Variants in ARHGAP12 observed in about 807,000 individuals in gnomAD.
ARHGAP12 encodes rho GTPase-activating protein 12.
In ARHGAP12, 64 loss-of-function variants were observed where a neutral mutation model predicts 108.6. That is an observed-to-expected ratio of 0.59 (90% CI 0.48 to 0.73). The LOEUF is 0.73. ARHGAP12 is among the 30% of genes least tolerant of loss of function. The pLI is 0.00. For missense variants in ARHGAP12, 940 were observed against 1,005.9 expected, an observed-to-expected ratio of 0.93 and a Z score of 0.89; for synonymous variants, 312 against 337.2, an observed-to-expected ratio of 0.93 and a Z score of 0.82.
chr10:31,846,641 AG>A (rs370919950), intron 6 of ARHGAP12, among the ~76,000 whole-genome samples: 39 of 152,278 alleles, frequency 2.6e-4, no homozygotes, highest in African/African-American at 9.1e-4. Flanking sequence ...AGACTTTATC[AG>A]GGGGAGGGAG....
At chr10:31,881,752 T>C (rs1837964703) in intron 3 of ARHGAP12, among the ~76,000 whole-genome samples, 1 of 152,228 alleles carries the variant, frequency 6.6e-6, no homozygotes, top group Admixed American at 6.5e-5. Context: ...ACTACAAGTA[T>C]TAGTAATCAT....
rs1281595603 is a variant in ARHGAP12 at position 31,807,633 on chromosome 10, T to G, written c.*25A>C. 2.5e-6 allele frequency: 4 copies of G among 1,573,672 alleles called. No homozygotes were observed. Among genetic ancestry groups the G allele is most frequent in the Non-Finnish European group, 3.4e-6 (4 of 1,164,698 alleles). On this transcript the variant is annotated 3_prime_UTR_variant, in exon 20 of 20. Transcript: ENST00000344936. ...GAAATCTGATGGAATCCAGCTTCTA[T>G]TCCACAGGTTGTCTTCAGTAAGAAT...
intron 1 of ARHGAP12, among the ~76,000 whole-genome samples, chr10:31,926,500 T>C (rs1216450121): frequency 6.6e-6 from 1 of 152,256 alleles, no homozygotes; most frequent in Admixed American, 6.5e-5. Flanking sequence ...GCCAAAATTG[T>C]TAAATACAGG....
intron 3 of ARHGAP12, among the ~76,000 whole-genome samples, chr10:31,894,444 T>A (rs1180839783): frequency 6.6e-6 from 1 of 151,948 alleles, no homozygotes. Flanking sequence ...AGCATTCTTA[T>A]ACACCAATAA....
chr10:31,838,906 A>C (rs2132226554), intron 9 of ARHGAP12, among the ~76,000 whole-genome samples: 1 of 151,442 alleles, frequency 6.6e-6, no homozygotes, highest in South Asian at 2.1e-4. Flanking sequence ...GGAGGCTGAG[A>C]CGGGAGAATC....
At chr10:31,924,980 C>T (rs114705552) in intron 1 of ARHGAP12, among the ~76,000 whole-genome samples, 158 of 152,262 alleles carry the variant, frequency 1.0e-3, no homozygotes, top group African/African-American at 3.5e-3. Context: ...TAGTCACAAA[C>T]GCACTGATAA....
chr10:31,854,320 A>G, intron 4 of ARHGAP12, 114 bp from the exon 5 acceptor site: 3 of 902,410 alleles, frequency 3.3e-6, no homozygotes, highest in Non-Finnish European at 4.8e-6. Flanking sequence ...TCTTAAATAT[A>G]TCTGAATATT....
At chr10:31,913,421 A>G in intron 1 of ARHGAP12, 1 of 169,406 alleles carries the variant, frequency 5.9e-6, no homozygotes, top group Non-Finnish European at 1.3e-5. Flanking sequence ...AATACACCCA[A>G]CGGGCCTCCT....
intron 12 of ARHGAP12, among the ~76,000 whole-genome samples, chr10:31,819,174 T>C (rs1029449972): frequency 2.0e-5 from 3 of 152,030 alleles, no homozygotes; most frequent in Non-Finnish European, 4.4e-5. Flanking sequence ...AGTAGCCTCA[T>C]TGTTATGGTG....
At chr10:31,898,377 A>G (rs1357252352) in intron 3 of ARHGAP12, among the ~76,000 whole-genome samples, 1 of 152,162 alleles carries the variant, frequency 6.6e-6, no homozygotes, top group Non-Finnish European at 1.5e-5. Context: ...CTTCCTACTC[A>G]CTAGAATAAC....
intron 4 of ARHGAP12, among the ~76,000 whole-genome samples, chr10:31,854,985 A>AAGGAGG (rs542231961): frequency 7.4e-6 from 1 of 134,448 alleles, no homozygotes; most frequent in Non-Finnish European, 1.6e-5. Context: ...AAAGAAGAAC[A>AAGGAGG]AGGAGGAGGA....
At position 31,913,417 on chromosome 10, in the gene ARHGAP12, C is replaced by CCCAA. The variant is rs1445775896; in HGVS notation, c.-110-2858_-110-2855dup. 3 of 169,162 alleles carry CCCAA rather than the reference C, an allele frequency of 1.8e-5. No homozygotes were observed. The East Asian group carries it at 4.6e-4, about 26-fold the overall frequency. 10.5% of individuals were successfully genotyped at this position (169,162 alleles called of 1,614,324 possible). On this transcript the variant is annotated intron_variant, in intron 1 of 19. Coordinates refer to ENST00000344936, the MANE Select transcript of ARHGAP12 (RefSeq NM_018287.7). The stretch of plus-strand genomic sequence containing the variant: ...ATAGAAGTTCAAGGATCCCAATACA[C>CCCAA]CCAACGGGCCTCCTTTGTTTGGCCT...
intron 13 of ARHGAP12, 30 bp from the exon 14 acceptor site, chr10:31,814,391 T>C (rs752600183): frequency 6.7e-7 from 1 of 1,496,438 alleles, no homozygotes; most frequent in South Asian, 1.1e-5. Flanking sequence ...CAAACACATA[T>C]TACACTTCTA....
At chr10:31,810,827 C>G (rs530337998) in intron 15 of ARHGAP12, 80 bp from the exon 16 acceptor site, 3 of 1,012,926 alleles carry the variant, frequency 3.0e-6, no homozygotes, top group East Asian at 4.8e-5. Context: ...CAGAGTGCAA[C>G]AGAAACATCC....
At chr10:31,886,398 A>C (rs1398998556) in intron 3 of ARHGAP12, among the ~76,000 whole-genome samples, 1 of 152,200 alleles carries the variant, frequency 6.6e-6, no homozygotes, top group African/African-American at 2.4e-5. Flanking sequence ...TACACAGAGA[A>C]AGCAACTTCT....
intron 3 of ARHGAP12, among the ~76,000 whole-genome samples, chr10:31,871,083 A>T (rs1406865217): frequency 6.6e-6 from 1 of 152,166 alleles, no homozygotes; most frequent in Non-Finnish European, 1.5e-5. Flanking sequence ...CTAAACAGGG[A>T]TAGGAGGTGA....
intron 3 of ARHGAP12, among the ~76,000 whole-genome samples, chr10:31,881,747 A>T (rs1396292087): frequency 6.6e-6 from 1 of 152,186 alleles, no homozygotes; most frequent in African/African-American, 2.4e-5. Context: ...CAAATACTAC[A>T]AGTATTAGTA....
At chr10:31,839,914 T>C (rs1836196160) in intron 7 of ARHGAP12, among the ~76,000 whole-genome samples, 5 of 152,120 alleles carry the variant, frequency 3.3e-5, no homozygotes, top group Admixed American at 3.3e-4. Flanking sequence ...GTGCTTTTTA[T>C]AGCAATTACA....
At chr10:31,912,275 C>T (rs1404289267) in intron 1 of ARHGAP12, among the ~76,000 whole-genome samples, 1 of 152,166 alleles carries the variant, frequency 6.6e-6, no homozygotes, top group Non-Finnish European at 1.5e-5. Flanking sequence ...TATGCAGCTA[C>T]TTTTCAAAAG....
Sources: allele counts gnomAD v4.1 joint callset (sites outside exome capture counted in the v4.1 genomes callset), GRCh38; gene constraint gnomAD v4.1.1; transcripts MANE v1.5; gene names NCBI Gene and HGNC (gene_info 2026-07-23, HGNC 2026-07-21).